KLHL29: variants seen among roughly 807,000 people sequenced by gnomAD.
KLHL29 encodes kelch-like protein 29.
A neutral mutation model predicts 80.4 loss-of-function variants in KLHL29; 21 were observed. The observed-to-expected ratio is 0.26, with a 90% CI of 0.19 to 0.38. KLHL29 has a LOEUF of 0.38. Among genes scored for constraint, KLHL29 ranks in the 10% least tolerant of loss-of-function variants. The probability of loss-of-function intolerance (pLI) is 1.00; values close to 1 mark genes in which losing one functional copy is unlikely to be tolerated. For missense variants in KLHL29, 867 were observed against 1,223.9 expected (o/e 0.71, Z 4.35); for synonymous variants, 511 against 526.8 (o/e 0.97, Z 0.41).
chr2:23,491,440 A>C (rs910822596), intron 2 of KLHL29, among the ~76,000 whole-genome samples: 2 of 152,198 alleles, frequency 1.3e-5, no homozygotes, highest in Admixed American at 6.5e-5. Flanking sequence ...GCCTAGGCAC[A>C]CCAGCAAACC....
chr2:23,531,083 C>A (rs1363386231), intron 2 of KLHL29, among the ~76,000 whole-genome samples: 2 of 152,210 alleles, frequency 1.3e-5, no homozygotes, highest in Non-Finnish European at 2.9e-5. Flanking sequence ...CCTGGATGCA[C>A]AGTGAGGTAG....
intron 1 of KLHL29, among the ~76,000 whole-genome samples, chr2:23,433,974 A>G (rs1663260071): frequency 6.6e-6 from 1 of 151,980 alleles, no homozygotes; most frequent in African/African-American, 2.4e-5. Context: ...AAGTTTCGTT[A>G]GTGTTTGAGG....
chr2:23,683,539 G>A (rs1671150968), intron 5 of KLHL29, among the ~76,000 whole-genome samples: 1 of 152,216 alleles, frequency 6.6e-6, no homozygotes, highest in Non-Finnish European at 1.5e-5. Context: ...GGTGGGTCTG[G>A]GAGAAGCTTC....
At chr2:23,654,707 G>GGGGGGGGGGGGGT in intron 5 of KLHL29, among the ~76,000 whole-genome samples, 1 of 102,126 alleles carries the variant, frequency 9.8e-6, no homozygotes, top group Non-Finnish European at 2.2e-5. Flanking sequence ...GGGGGGGGGG[G>GGGGGGGGGGGGGT]GTGGATGTTT....
At chr2:23,398,608 C>T (rs552994119) in intron 1 of KLHL29, among the ~76,000 whole-genome samples, 6 of 152,308 alleles carry the variant, frequency 3.9e-5, no homozygotes, top group African/African-American at 9.6e-5. Context: ...TACTGTCAGC[C>T]GTGGTCAACC....
intron 1 of KLHL29, among the ~76,000 whole-genome samples, chr2:23,402,432 CCTA>C (rs1269608782): frequency 6.6e-6 from 1 of 152,256 alleles, no homozygotes; most frequent in Non-Finnish European, 1.5e-5. Flanking sequence ...AGGACACTAA[CCTA>C]GTGTGTGCTT....
intron 11 of KLHL29, among the ~76,000 whole-genome samples, chr2:23,699,002 A>C (rs1243446536): frequency 6.6e-6 from 1 of 152,234 alleles, no homozygotes; most frequent in Non-Finnish European, 1.5e-5. Context: ...AGATATCTGA[A>C]CTTCTGACAC....
chr2:23,670,874 C>T (rs1382652882), intron 5 of KLHL29, among the ~76,000 whole-genome samples: 1 of 138,388 alleles, frequency 7.2e-6, no homozygotes, highest in South Asian at 2.4e-4. Flanking sequence ...ATGAAGGGCA[C>T]AGAGTGGGCA....
chr2:23,648,148 C>T (rs1296847886), intron 5 of KLHL29, among the ~76,000 whole-genome samples: 2 of 152,184 alleles, frequency 1.3e-5, no homozygotes, highest in South Asian at 2.1e-4. Flanking sequence ...GGACAGAAGT[C>T]CATCTGTTTC....
intron 3 of KLHL29, among the ~76,000 whole-genome samples, chr2:23,610,299 CT>C (rs1668826715): frequency 6.6e-6 from 1 of 152,218 alleles, no homozygotes; most frequent in African/African-American, 2.4e-5. Flanking sequence ...TGTATTCGTT[CT>C]GGTGTGCTTT....
In KLHL29 at chr2:23,465,769, C is replaced by T. The variant is rs569717468; in HGVS notation, c.-153-9791C>T. Among the ~76,000 whole-genome samples, 3 of 152,332 alleles carry T rather than the reference C, an allele frequency of 2.0e-5. No homozygotes were observed. In the South Asian group the frequency reaches 6.2e-4, roughly 32 times the overall value. ...ACGTTGATCTTTCAGGCACCACCTT[C>T]CTCCAGGACCCCGCTTAAGCCCTGC... is the stretch of plus-strand genomic sequence containing the variant. On this transcript the variant is annotated intron_variant, in intron 1 of 13. Coordinates refer to ENST00000486442, the MANE Select transcript of KLHL29 (RefSeq NM_052920.2).
chr2:23,691,585 C>A, intron 6 of KLHL29, 89 bp from the exon 7 acceptor site: 1 of 1,122,812 alleles, frequency 8.9e-7, no homozygotes, highest in Non-Finnish European at 1.3e-6. Context: ...AAGGGCATGA[C>A]CAAGGTGTGC....
intron 3 of KLHL29, among the ~76,000 whole-genome samples, chr2:23,591,150 G>A (rs1297331352): frequency 1.3e-5 from 2 of 152,200 alleles, no homozygotes. Context: ...CAAGGTGAGG[G>A]GCAGCCATGT....
At chr2:23,661,420 C>T (rs1423468434) in intron 5 of KLHL29, among the ~76,000 whole-genome samples, 1 of 152,014 alleles carries the variant, frequency 6.6e-6, no homozygotes, top group Non-Finnish European at 1.5e-5. Context: ...CCTGACAAGG[C>T]GCCAGCTGTA....
intron 1 of KLHL29, among the ~76,000 whole-genome samples, chr2:23,425,373 C>A (rs1662978769): frequency 6.6e-6 from 1 of 152,216 alleles, no homozygotes; most frequent in African/African-American, 2.4e-5. Flanking sequence ...GGGTGGGGAA[C>A]AACCAGTCCC....
At chr2:23,447,333 C>CCA (rs1663726320) in intron 1 of KLHL29, among the ~76,000 whole-genome samples, 1 of 152,180 alleles carries the variant, frequency 6.6e-6, no homozygotes, top group Non-Finnish European at 1.5e-5. Context: ...TGTGCATGGG[C>CCA]CACACCACCT....
Position 23,647,083 on chromosome 2 carries a change from A to G in KLHL29, c.940+4233A>G, listed in dbSNP as rs1054870674. ...ATGGAAGAAGCCCATGCTTGTCCAC[A>G]GGGCTGGCAATCCCTGGTCAAGCCA... On this transcript the variant is annotated intron_variant, in intron 5 of 13. Transcript: ENST00000486442. The surrounding 1 kb of genome is among the most constrained non-coding windows in gnomAD (Gnocchi z 4.9). 6.6e-6 allele frequency among the ~76,000 whole-genome samples: 1 copy of G among 152,322 alleles called. No homozygotes were observed. Among genetic ancestry groups the G allele is most frequent in the Non-Finnish European group, 1.5e-5 (1 of 68,012 alleles).
chr2:23,533,490 A>G (rs961534015), intron 2 of KLHL29, among the ~76,000 whole-genome samples: 6 of 152,166 alleles, frequency 3.9e-5, no homozygotes, highest in African/African-American at 1.4e-4. Flanking sequence ...GGAGTGAAGC[A>G]GCTGATGCAA....
intron 5 of KLHL29, among the ~76,000 whole-genome samples, chr2:23,679,029 A>G (rs1056448375): frequency 6.8e-6 from 1 of 147,304 alleles, no homozygotes; most frequent in East Asian, 2.1e-4. Context: ...GACACTTTAA[A>G]ATGGGTACAT....
Sources: allele counts gnomAD v4.1 joint callset (sites outside exome capture counted in the v4.1 genomes callset), GRCh38; gene constraint gnomAD v4.1.1; non-coding constraint Gnocchi (gnomAD v3.1); transcripts MANE v1.5; gene names NCBI Gene and HGNC (gene_info 2026-07-23, HGNC 2026-07-21).